WWOX: variants seen among roughly 807,000 people sequenced by gnomAD.
WWOX encodes WW domain containing oxidoreductase, also known as WW domain-containing oxidoreductase.
A neutral mutation model predicts 46.2 loss-of-function variants in WWOX; 69 were observed. The observed-to-expected ratio is 1.49, with a 90% CI of 1.23 to 1.82. The LOEUF (loss-of-function observed/expected upper bound fraction) is 1.82, where lower values mean the gene tolerates loss of function less well. WWOX is among the 40% of genes most tolerant of loss of function. The pLI is 0.00. For synonymous variants in WWOX, 359 were observed against 202.6 expected, an observed-to-expected ratio of 1.77 and a Z score of -6.56; for missense variants, 919 against 542.6, an observed-to-expected ratio of 1.69 and a Z score of -6.89.
intron 8 of WWOX, among the ~76,000 whole-genome samples, chr16:79,096,234 C>T (rs146268746): frequency 6.5e-4 from 99 of 152,140 alleles, no homozygotes; most frequent in African/African-American, 2.0e-3. Context: ...TCTTTCTCCA[C>T]GGAGAACCAG....
intron 8 of WWOX, among the ~76,000 whole-genome samples, chr16:78,592,774 G>A (rs1479974442): frequency 1.3e-5 from 2 of 152,134 alleles, no homozygotes; most frequent in African/African-American, 4.8e-5. Context: ...CTGGGCTGGG[G>A]TGGCCACTCC....
At chr16:79,052,124 G>A (rs1405016071) in intron 8 of WWOX, among the ~76,000 whole-genome samples, 3 of 151,208 alleles carry the variant, frequency 2.0e-5, no homozygotes, top group Non-Finnish European at 4.4e-5. Context: ...GTGCCATGCT[G>A]GTGCGCTGCA....
At chr16:78,834,223 C>T (rs766292405) in intron 8 of WWOX, among the ~76,000 whole-genome samples, 1 of 152,092 alleles carries the variant, frequency 6.6e-6, no homozygotes, top group Non-Finnish European at 1.5e-5. Flanking sequence ...GAACAGGGCC[C>T]GTGTGTTCTG....
At chr16:78,716,399 C>T (rs1257735281) in intron 8 of WWOX, among the ~76,000 whole-genome samples, 2 of 152,096 alleles carry the variant, frequency 1.3e-5, no homozygotes, top group South Asian at 2.1e-4. Flanking sequence ...CTAAGCCACC[C>T]AGTGTGCAGT....
chr16:78,966,601 A>C (rs946825373), intron 8 of WWOX, among the ~76,000 whole-genome samples: 2 of 152,172 alleles, frequency 1.3e-5, no homozygotes, highest in Non-Finnish European at 2.9e-5. Context: ...GTAACATGTG[A>C]ATGTTTTGAA....
chr16:79,211,516 G>T, intron 8 of WWOX, 92 bp from the exon 9 acceptor site: 1 of 1,539,718 alleles, frequency 6.5e-7, no homozygotes, highest in Non-Finnish European at 8.9e-7. Flanking sequence ...ACCAGGTGGG[G>T]GAGGCCTGCT....
intron 5 of WWOX, among the ~76,000 whole-genome samples, chr16:78,227,977 A>G (rs2037122503): frequency 6.6e-6 from 1 of 152,114 alleles, no homozygotes; most frequent in African/African-American, 2.4e-5. Context: ...ATTTCACCAC[A>G]AGATGTCACC....
At position 78,321,503 on chromosome 16, in the gene WWOX, G is replaced by C. The variant is rs528096225; in HGVS notation, c.517-65357G>C. On this transcript the variant is annotated intron_variant, in intron 5 of 8. Transcript: ENST00000566780. ...ATGGGAAGGCTTATTGAAACTTGGA[G>C]TGGATTCGTAGTCTGCCACGAGAAT... is the stretch of plus-strand genomic sequence containing the variant. Among the ~76,000 whole-genome samples the C allele has an allele frequency of 2.6e-5, 4 of 151,654 alleles. No individual in the cohort carries two copies. The East Asian group carries it at 7.8e-4, about 29-fold the overall frequency.
chr16:79,211,032 G>GAGTGTGTGTGTGTGT (rs755105354), intron 8 of WWOX, among the ~76,000 whole-genome samples: 1 of 30,442 alleles, frequency 3.3e-5, no homozygotes, highest in Non-Finnish European at 7.0e-5. Flanking sequence ...TGTATGGTGA[G>GAGTGTGTGTGTGTGT]GAGTGTGTGT....
chr16:78,787,896 A>G (rs1296154025), intron 8 of WWOX, among the ~76,000 whole-genome samples: 1 of 152,118 alleles, frequency 6.6e-6, no homozygotes, highest in South Asian at 2.1e-4. Context: ...CTCATGATTA[A>G]TGATGTTGAG....
intron 8 of WWOX, among the ~76,000 whole-genome samples, chr16:78,633,678 C>T (rs1197851129): frequency 6.6e-6 from 1 of 152,150 alleles, no homozygotes; most frequent in Non-Finnish European, 1.5e-5. Context: ...GTGCTACCTC[C>T]TGCGTGCTTT....
At chr16:78,926,119 A>T (rs572969502) in intron 8 of WWOX, among the ~76,000 whole-genome samples, 14 of 152,296 alleles carry the variant, frequency 9.2e-5, no homozygotes, top group South Asian at 8.3e-4. Context: ...AAAATACAGC[A>T]CTTTGGGAGT....
At chr16:78,189,534 C>G (rs975432883) in intron 5 of WWOX, among the ~76,000 whole-genome samples, 1 of 152,172 alleles carries the variant, frequency 6.6e-6, no homozygotes. Context: ...GGGCATATAC[C>G]ATTGGGACAA....
intron 5 of WWOX, among the ~76,000 whole-genome samples, chr16:78,275,115 A>G (rs996089533): frequency 2.6e-5 from 4 of 152,124 alleles, no homozygotes; most frequent in African/African-American, 9.7e-5. Context: ...TCTTGCCTTT[A>G]TGCTTTAAGG....
At chr16:79,138,639 A>G (rs1424634034) in intron 8 of WWOX, among the ~76,000 whole-genome samples, 1 of 152,184 alleles carries the variant, frequency 6.6e-6, no homozygotes, top group Admixed American at 6.5e-5. Context: ...TTAACCCAAC[A>G]CTTAGAGGGG....
At chr16:79,060,319 A>G (rs1447435431) in intron 8 of WWOX, among the ~76,000 whole-genome samples, 3 of 152,240 alleles carry the variant, frequency 2.0e-5, no homozygotes, top group Admixed American at 6.5e-5. Flanking sequence ...GCTGACTGTC[A>G]TGCATTTTAT....
chr16:78,453,916 C>G (rs1171946054), intron 8 of WWOX, among the ~76,000 whole-genome samples: 2 of 151,992 alleles, frequency 1.3e-5, no homozygotes, highest in Admixed American at 6.6e-5. Context: ...CATGAGTTTT[C>G]TTTTGCATCA....
chr16:78,654,046 T>G (rs1447953044), intron 8 of WWOX, among the ~76,000 whole-genome samples: 2 of 152,236 alleles, frequency 1.3e-5, no homozygotes, highest in African/African-American at 4.8e-5. Flanking sequence ...TGCAGAAATT[T>G]CTGAAGTCGT....
At chr16:78,476,723 T>A (rs899835091) in intron 8 of WWOX, among the ~76,000 whole-genome samples, 1 of 152,210 alleles carries the variant, frequency 6.6e-6, no homozygotes, top group Non-Finnish European at 1.5e-5. Context: ...GCTAGCTAAT[T>A]GCTTCTTCAG....
Sources: allele counts gnomAD v4.1 joint callset (sites outside exome capture counted in the v4.1 genomes callset), GRCh38; gene constraint gnomAD v4.1.1; transcripts MANE v1.5; gene names NCBI Gene and HGNC (gene_info 2026-07-23, HGNC 2026-07-21).